Variants in KHDRBS2 observed in about 807,000 individuals in gnomAD.
The protein encoded by KHDRBS2 is KH RNA binding domain containing, signal transduction associated 2.
In KHDRBS2, 26 loss-of-function variants were observed where a neutral mutation model predicts 44.3. The ratio of observed to expected loss-of-function variants is 0.59; its 90% CI spans 0.43 to 0.81. The LOEUF (loss-of-function observed/expected upper bound fraction) is 0.81, where lower values mean the gene tolerates loss of function less well. KHDRBS2 is among the 40% of genes least tolerant of loss of function. KHDRBS2 has a pLI of 0.00. For missense variants in KHDRBS2, 476 were observed against 433.1 expected, an observed-to-expected ratio of 1.10 and a Z score of -0.88; for synonymous variants, 194 against 151.1, an observed-to-expected ratio of 1.28 and a Z score of -2.08.
intron 7 of KHDRBS2, among the ~76,000 whole-genome samples, chr6:61,708,723 A>G (rs992061750): frequency 2.0e-5 from 3 of 151,664 alleles, no homozygotes; most frequent in African/African-American, 7.2e-5. Flanking sequence ...ATATTGATAG[A>G]TAGATAGTAA....
At chr6:61,817,845 A>G (rs1789231209) in intron 6 of KHDRBS2, among the ~76,000 whole-genome samples, 1 of 151,982 alleles carries the variant, frequency 6.6e-6, no homozygotes, top group African/African-American at 2.4e-5. Context: ...CTCTGGCTCT[A>G]TTGAATAAAT....
intron 6 of KHDRBS2, among the ~76,000 whole-genome samples, chr6:61,866,728 G>C (rs1393668609): frequency 6.6e-6 from 1 of 152,174 alleles, no homozygotes; most frequent in East Asian, 1.9e-4. Context: ...ATGCTTTGCT[G>C]CTTAGAAATT....
In KHDRBS2 at chr6:62,005,053, A is replaced by G. The variant is rs1443964585; in HGVS notation, c.337-26841T>C. 3.3e-5 allele frequency among the ~76,000 whole-genome samples: 5 copies of G among 152,180 alleles called. No homozygotes were observed. In the South Asian group the frequency reaches 1.0e-3, roughly 32 times the overall value. On this transcript the variant is annotated intron_variant, in intron 3 of 8. Coordinates refer to ENST00000281156, the MANE Select transcript of KHDRBS2 (RefSeq NM_152688.4). ...TTGTCTTTTCCTTTAATTTAAACAA[A>G]GGCTAAACACTTCATTTTTAGAGTT...
At chr6:62,103,211 G>C (rs1470127811) in intron 2 of KHDRBS2, among the ~76,000 whole-genome samples, 1 of 152,132 alleles carries the variant, frequency 6.6e-6, no homozygotes, top group Non-Finnish European at 1.5e-5. Context: ...CTGACTTGAA[G>C]ATGGGGTTTC....
intron 6 of KHDRBS2, among the ~76,000 whole-genome samples, chr6:61,877,848 T>C (rs1799656905): frequency 6.6e-6 from 1 of 151,986 alleles, no homozygotes; most frequent in Admixed American, 6.6e-5. Context: ...TTTTCTTTTC[T>C]AAATCTTTTT....
chr6:61,692,045 G>C (rs1199161844), intron 8 of KHDRBS2, among the ~76,000 whole-genome samples: 1 of 152,074 alleles, frequency 6.6e-6, no homozygotes, highest in Non-Finnish European at 1.5e-5. Flanking sequence ...TCTTTTCTCA[G>C]AGAAGAGAAT....
Position 61,978,198 on chromosome 6 carries a change from C to A in KHDRBS2, c.351G>T (p.Arg117Ser), listed in dbSNP as rs1422339580. The change falls in exon 4 of 9, where the codon AGG becomes AGT. Residue 117 changes from arginine (R) to serine (S), a missense_variant. Coordinates refer to ENST00000281156, the MANE Select transcript of KHDRBS2 (RefSeq NM_152688.4). ...MRDKAKEEEL[R>S]KSGEAKYAHL... The stretch of plus-strand genomic sequence containing the variant: ...GGGCATATTTGGCTTCCCCACTCTT[C>A]CTTAGTTCTTCTTCCTGTGAAAAAG... 6.2e-7 allele frequency: 1 copy of A among 1,603,768 alleles called. No individual in the cohort carries two copies. Among genetic ancestry groups the A allele is most frequent in the Non-Finnish European group, 8.5e-7 (1 of 1,176,298 alleles).
intron 4 of KHDRBS2, among the ~76,000 whole-genome samples, chr6:61,915,242 A>G (rs1421755719): frequency 6.6e-6 from 1 of 152,030 alleles, no homozygotes; most frequent in African/African-American, 2.4e-5. Flanking sequence ...CAGAAACCCA[A>G]TTACTACAGA....
Position 61,976,078 on chromosome 6 carries a change from C to T in KHDRBS2, c.483+1988G>A, listed in dbSNP as rs568130129. Among the ~76,000 whole-genome samples the T allele has an allele frequency of 4.6e-5, 7 of 152,142 alleles. No individual in the cohort carries two copies. The South Asian group carries it at 1.5e-3, about 32-fold the overall frequency. ...GGTAGGCATGGCCAGGTCACACCAG[C>T]CATGGTAATATTTTCATTCTTCATC... is the stretch of plus-strand genomic sequence containing the variant. On this transcript the variant is annotated intron_variant, in intron 4 of 8. Transcript: ENST00000281156.
chr6:62,161,527 G>A (rs1298208862), intron 2 of KHDRBS2, among the ~76,000 whole-genome samples: 3 of 125,912 alleles, frequency 2.4e-5, no homozygotes, highest in African/African-American at 9.1e-5. Flanking sequence ...CAAATACTAG[G>A]CCATTTTAAA....
chr6:62,105,226 A>T (rs1009557803), intron 2 of KHDRBS2, among the ~76,000 whole-genome samples: 1 of 152,156 alleles, frequency 6.6e-6, no homozygotes, highest in African/African-American at 2.4e-5. Flanking sequence ...TTCTACACCA[A>T]TTCTTCCAAA....
chr6:62,256,849 A>G (rs1837468523), intron 1 of KHDRBS2, among the ~76,000 whole-genome samples: 1 of 152,040 alleles, frequency 6.6e-6, no homozygotes, highest in Non-Finnish European at 1.5e-5. Context: ...TGTGACTCTG[A>G]GCTAGTTACC....
chr6:61,760,840 C>T (rs1779167002), intron 6 of KHDRBS2, among the ~76,000 whole-genome samples: 1 of 152,046 alleles, frequency 6.6e-6, no homozygotes, highest in Admixed American at 6.5e-5. Context: ...AGGCATAATA[C>T]AAATAGGTTT....
At chr6:61,930,948 C>A (rs1280217874) in intron 4 of KHDRBS2, among the ~76,000 whole-genome samples, 1 of 152,016 alleles carries the variant, frequency 6.6e-6, no homozygotes, top group Non-Finnish European at 1.5e-5. Context: ...AATTTTTCTA[C>A]TCAGGTGGAT....
intron 1 of KHDRBS2, among the ~76,000 whole-genome samples, chr6:62,211,105 G>A (rs910318128): frequency 6.6e-6 from 1 of 151,920 alleles, no homozygotes; most frequent in Non-Finnish European, 1.5e-5. Flanking sequence ...AAAAAACAAG[G>A]CTACACCATA....
intron 6 of KHDRBS2, among the ~76,000 whole-genome samples, chr6:61,764,998 T>C (rs1168372496): frequency 6.6e-6 from 1 of 152,162 alleles, no homozygotes; most frequent in Non-Finnish European, 1.5e-5. Context: ...TACATTTACA[T>C]TGAAATCAAG....
chr6:62,065,323 C>A (rs1277732648), intron 2 of KHDRBS2, among the ~76,000 whole-genome samples: 1 of 151,934 alleles, frequency 6.6e-6, no homozygotes, highest in Non-Finnish European at 1.5e-5. Flanking sequence ...GCTATAAAGA[C>A]ACATGCACAT....
chr6:61,944,805 A>G (rs151022012), intron 4 of KHDRBS2, among the ~76,000 whole-genome samples: 121 of 151,942 alleles, frequency 8.0e-4, no homozygotes, highest in African/African-American at 2.7e-3. Context: ...TAAAAAACAT[A>G]TGAGGCTGGG....
intron 4 of KHDRBS2, among the ~76,000 whole-genome samples, chr6:61,925,457 T>C (rs752955147): frequency 2.2e-4 from 33 of 152,188 alleles, no homozygotes; most frequent in Admixed American, 3.3e-4. Context: ...GGCTCACACC[T>C]CTAATTCCAG....
Sources: gnomAD v4.1 joint callset for allele counts (sites outside exome capture counted in the v4.1 genomes callset) on GRCh38, gnomAD v4.1.1 for gene constraint, MANE v1.5 for transcripts, NCBI Gene and HGNC (gene_info 2026-07-23, HGNC 2026-07-21) for gene names.